SDK1: variants seen among roughly 807,000 people sequenced by gnomAD.
The protein encoded by SDK1 is sidekick cell adhesion molecule 1, also known as protein sidekick-1.
In SDK1, 157 loss-of-function variants were observed where a neutral mutation model predicts 245.5. The ratio of observed to expected loss-of-function variants is 0.64; its 90% confidence interval spans 0.56 to 0.73. The LOEUF (loss-of-function observed/expected upper bound fraction) is 0.73. Among genes scored for constraint, SDK1 ranks in the 30% least tolerant of loss-of-function variants. The probability of loss-of-function intolerance (pLI) is 0.00; values close to 1 mark genes in which losing one functional copy is unlikely to be tolerated. For missense variants in SDK1, 3,583 were observed against 3,002.3 expected (o/e 1.19, Z -4.52); for synonymous variants, 1,647 against 1,278.5 (o/e 1.29, Z -6.15).
At chr7:3,431,635 A>C (rs1779850646) in intron 1 of SDK1, among the ~76,000 whole-genome samples, 1 of 152,114 alleles carries the variant, frequency 6.6e-6, no homozygotes, top group South Asian at 2.1e-4. Context: ...CTTTTATTGT[A>C]ATCTACTTTC....
rs116318976 is a variant in SDK1 at position 3,738,483 on chromosome 7, A to G, written c.714-82967A>G. 1.1e-3 allele frequency among the ~76,000 whole-genome samples: 175 copies of G among 152,284 alleles called. 1 individual carries two copies. Among genetic ancestry groups the G allele is most frequent in the African/African-American group, 4.1e-3 (170 of 41,562 alleles). On this transcript the variant is annotated intron_variant, in intron 4 of 44. Transcript: ENST00000404826. ...TCATTTTGATATCAGGAAGTGTGGG[A>G]CTTCCTATCTTGTTATTCTTTTGCA...
chr7:3,618,684 G>T (rs1022405221), intron 1 of SDK1, among the ~76,000 whole-genome samples: 4 of 152,110 alleles, frequency 2.6e-5, no homozygotes, highest in African/African-American at 9.7e-5. Flanking sequence ...AAAACCAATT[G>T]AAGGTTATAG....
At chr7:3,390,570 A>G (rs1163957637) in intron 1 of SDK1, among the ~76,000 whole-genome samples, 3 of 152,216 alleles carry the variant, frequency 2.0e-5, no homozygotes, top group Non-Finnish European at 4.4e-5. Flanking sequence ...GAGGTCATAC[A>G]GGATTAGACC....
At chr7:3,556,546 G>A (rs192356025) in intron 1 of SDK1, among the ~76,000 whole-genome samples, 5 of 152,272 alleles carry the variant, frequency 3.3e-5, no homozygotes, top group Non-Finnish European at 7.4e-5. Flanking sequence ...GAGGCCAGGT[G>A]TGGTGGCTCA....
chr7:4,204,567 GTC>G (rs1324677787), intron 35 of SDK1, among the ~76,000 whole-genome samples: 1 of 152,228 alleles, frequency 6.6e-6, no homozygotes, highest in African/African-American at 2.4e-5. Context: ...CCTGAGGTCA[GTC>G]TCTCCCAAGA....
chr7:3,582,464 G>T lies in SDK1; in HGVS notation c.299-36616G>T, dbSNP rs143821003. 9.7e-4 allele frequency among the ~76,000 whole-genome samples: 143 copies of T among 147,330 alleles called. 2 individuals are homozygous for T. In the East Asian group the frequency reaches 0.026, roughly 26 times the overall value. On this transcript the variant is annotated intron_variant, in intron 1 of 44. Coordinates refer to ENST00000404826, the MANE Select transcript of SDK1 (RefSeq NM_152744.4). ...TCTCAGGTAGGTCTCCCTCAGGTAGGTCTGTCTCAGGTAGGTCTCCCTCAG... is the reference window on the plus strand; with the variant it reads ...TCTCAGGTAGGTCTCCCTCAGGTAGTTCTGTCTCAGGTAGGTCTCCCTCAG...
chr7:4,054,974 C>T (rs1027087063), intron 19 of SDK1, among the ~76,000 whole-genome samples: 1 of 152,178 alleles, frequency 6.6e-6, no homozygotes, highest in African/African-American at 2.4e-5. Flanking sequence ...TAATTCTTTT[C>T]ATATGCTGTT....
chr7:3,497,725 C>A (rs565481176), intron 1 of SDK1, among the ~76,000 whole-genome samples: 1 of 152,108 alleles, frequency 6.6e-6, no homozygotes, highest in Admixed American at 6.5e-5. Flanking sequence ...CTTGATAAAC[C>A]CCTTAGATGC....
At chr7:3,340,342 TAC>T (rs930186499) in intron 1 of SDK1, among the ~76,000 whole-genome samples, 1 of 152,136 alleles carries the variant, frequency 6.6e-6, no homozygotes, top group Non-Finnish European at 1.5e-5. Context: ...TGTCTAAAAA[TAC>T]ACACAGTAAT....
rs551179400 is a variant in SDK1, at chr7:3,528,059, G to A, written c.299-91021G>A. On this transcript the variant is annotated intron_variant, in intron 1 of 44. Coordinates refer to ENST00000404826, the MANE Select transcript of SDK1 (RefSeq NM_152744.4). ...TAGTCAGCTAGGGGTTGAGTGGTGG[G>A]AGGTGAGGTTGGATCATAGCCAGCT... Among the ~76,000 whole-genome samples the A allele has an allele frequency of 1.3e-5, 2 of 149,652 alleles. 1 individual carries two copies. The highest frequency in any genetic ancestry group is 4.9e-5 in the African/African-American group (2 of 40,566).
At chr7:3,779,274 G>C (rs1329507489) in intron 4 of SDK1, among the ~76,000 whole-genome samples, 1 of 152,122 alleles carries the variant, frequency 6.6e-6, no homozygotes, top group East Asian at 1.9e-4. Context: ...TTACGTTAGG[G>C]CTAGAGTAGT....
At chr7:3,856,344 C>G (rs1350094811) in intron 5 of SDK1, among the ~76,000 whole-genome samples, 1 of 151,868 alleles carries the variant, frequency 6.6e-6, no homozygotes, top group Non-Finnish European at 1.5e-5. Context: ...AATGAAACAA[C>G]CTAGAATTTT....
intron 23 of SDK1, among the ~76,000 whole-genome samples, chr7:4,111,790 A>T (rs546748744): frequency 6.6e-6 from 1 of 152,254 alleles, no homozygotes. Context: ...TAGTAAATGT[A>T]TATGTGCATA....
chr7:3,696,064 G>A (rs1562377774), intron 4 of SDK1, among the ~76,000 whole-genome samples: 1 of 151,904 alleles, frequency 6.6e-6, no homozygotes, highest in Non-Finnish European at 1.5e-5. Context: ...TTTCCCACTT[G>A]TCCCTTGTTC....
intron 22 of SDK1, among the ~76,000 whole-genome samples, chr7:4,110,393 G>T (rs1237957798): frequency 6.6e-6 from 1 of 152,192 alleles, no homozygotes; most frequent in Non-Finnish European, 1.5e-5. Context: ...TTGTTCCCAG[G>T]GGTTTCACTG....
chr7:3,747,042 A>G (rs1228069521), intron 4 of SDK1, among the ~76,000 whole-genome samples: 1 of 152,232 alleles, frequency 6.6e-6, no homozygotes, highest in Non-Finnish European at 1.5e-5. Flanking sequence ...TCCTTGATTC[A>G]TAGGCTGCAG....
chr7:3,999,471 G>C (rs937129382), intron 14 of SDK1, among the ~76,000 whole-genome samples: 2 of 152,220 alleles, frequency 1.3e-5, no homozygotes, highest in Non-Finnish European at 2.9e-5. Flanking sequence ...CAGGGAAGGG[G>C]GGTTCCCTGT....
intron 1 of SDK1, among the ~76,000 whole-genome samples, chr7:3,550,459 T>C (rs1779365709): frequency 6.6e-6 from 1 of 152,224 alleles, no homozygotes. Flanking sequence ...GGCATGTGCC[T>C]CATGTCCCCT....
chr7:3,664,711 G>C (rs555483506), intron 4 of SDK1, among the ~76,000 whole-genome samples: 1 of 148,494 alleles, frequency 6.7e-6, no homozygotes, highest in Non-Finnish European at 1.5e-5. Context: ...CTGCACTCCA[G>C]CCTGGGCAAC....
Sources: allele counts gnomAD v4.1 joint callset (sites outside exome capture counted in the v4.1 genomes callset), GRCh38; gene constraint gnomAD v4.1.1; transcripts MANE v1.5; gene names NCBI Gene and HGNC (gene_info 2026-07-23, HGNC 2026-07-21).